SCLT1: variants seen among roughly 807,000 people sequenced by gnomAD.
SCLT1 encodes the protein sodium channel and clathrin linker 1.
In SCLT1, 78 loss-of-function variants were observed where a neutral mutation model predicts 112.8. That is an observed-to-expected ratio of 0.69 (90% CI 0.58 to 0.83). SCLT1 has a LOEUF of 0.83. SCLT1 is among the 40% of genes least tolerant of loss of function. The pLI is 0.00. For missense variants in SCLT1, 747 were observed against 770.4 expected (o/e 0.97, Z 0.36); for synonymous variants, 257 against 254.7 (o/e 1.01, Z -0.09).
intron 2 of SCLT1, among the ~76,000 whole-genome samples, chr4:129,050,965 CATTA>C (rs1186893258): frequency 2.6e-5 from 4 of 152,000 alleles, no homozygotes; most frequent in Non-Finnish European, 4.4e-5. Flanking sequence ...TTCCCAGCAC[CATTA>C]ATTAAATAGG....
chr4:129,007,327 TGA>T lies in SCLT1; in HGVS notation c.291-3453_291-3452del, dbSNP rs560645667. On this transcript the variant is annotated intron_variant, in intron 5 of 20. Coordinates refer to ENST00000281142, the MANE Select transcript of SCLT1 (RefSeq NM_144643.4). ...TTTTTCTGGTTGCTATTTTATTTACTGAGAGCAACCTGCTCATATTTCCTATT... is the reference window on the plus strand; with the variant it reads ...TTTTTCTGGTTGCTATTTTATTTACTGAGCAACCTGCTCATATTTCCTATT... 5.9e-5 allele frequency among the ~76,000 whole-genome samples: 9 copies of T among 152,312 alleles called. No individual in the cohort carries two copies. In the East Asian group the frequency reaches 1.7e-3, roughly 29 times the overall value.
At position 128,974,405 on chromosome 4, in the gene SCLT1, C is replaced by T. The variant is rs374519019; in HGVS notation, c.687-3937G>A. Among the ~76,000 whole-genome samples the T allele has an allele frequency of 6.7e-4, 102 of 151,402 alleles. 1 individual carries two copies. In the South Asian group the frequency reaches 0.021, roughly 31 times the overall value. ...AGATAGCCAGGCTAGGCTATGTGAT[C>T]AGTGTGCCAGAAAAAATGACCCTGA... On this transcript the variant is annotated intron_variant, in intron 9 of 20. Coordinates refer to ENST00000281142, the MANE Select transcript of SCLT1 (RefSeq NM_144643.4).
intron 2 of SCLT1, among the ~76,000 whole-genome samples, chr4:129,070,106 C>T (rs1304971817): frequency 6.6e-6 from 1 of 152,098 alleles, no homozygotes; most frequent in African/African-American, 2.4e-5. Flanking sequence ...GCTCTAAAAC[C>T]CACTTAATCA....
Position 129,093,060 on chromosome 4 carries a change from T to A in SCLT1, c.34+10A>T. ...TTGTATATGAAGTCTCAAAAAAACA[T>A]GGAGCTTACTTTGCTCTCTCAGAAA... On this transcript the variant is annotated intron_variant, in intron 1 of 20. Transcript: ENST00000281142. 1.2e-6 allele frequency: 2 copies of A among 1,604,202 alleles called. No individual in the cohort carries two copies. The highest frequency in any genetic ancestry group is 1.7e-6 in the Non-Finnish European group (2 of 1,170,938).
chr4:128,975,255 G>A (rs991277626), intron 9 of SCLT1, among the ~76,000 whole-genome samples: 13 of 151,748 alleles, frequency 8.6e-5, no homozygotes, highest in African/African-American at 2.7e-4. Flanking sequence ...TAGCCAGGAC[G>A]GTCTCGATCT....
intron 5 of SCLT1, among the ~76,000 whole-genome samples, chr4:129,009,767 G>A (rs560511960): frequency 1.3e-5 from 2 of 152,110 alleles, no homozygotes; most frequent in South Asian, 4.2e-4. Context: ...TCTTTTGAAA[G>A]GTGTTCAAGT....
intron 17 of SCLT1, among the ~76,000 whole-genome samples, chr4:128,940,770 A>T (rs1737624430): frequency 6.6e-6 from 1 of 151,828 alleles, no homozygotes; most frequent in African/African-American, 2.4e-5. Flanking sequence ...TGTATTTTCC[A>T]TAATTTTACT....
intron 1 of SCLT1, among the ~76,000 whole-genome samples, chr4:129,089,719 T>C (rs564339851): frequency 6.6e-6 from 1 of 152,158 alleles, no homozygotes; most frequent in Admixed American, 6.5e-5. Flanking sequence ...TGCTGGGACA[T>C]GGATGAAGCT....
At chr4:129,004,124 C>T (rs11722717) in intron 5 of SCLT1, among the ~76,000 whole-genome samples, 8,141 of 150,974 alleles carry the variant, frequency 0.054, 318 homozygotes, top group Admixed American at 0.097. Flanking sequence ...TCAGTTTGTC[C>T]TAGAGAGGTT....
intron 18 of SCLT1, among the ~76,000 whole-genome samples, chr4:128,903,267 A>G (rs1315271501): frequency 6.6e-6 from 1 of 152,154 alleles, no homozygotes; most frequent in Non-Finnish European, 1.5e-5. Context: ...TGAGTAATGC[A>G]TTGCACTAAG....
At chr4:128,936,920 T>A in intron 17 of SCLT1, 69 bp from the exon 18 acceptor site, 2 of 615,604 alleles carry the variant, frequency 3.2e-6, no homozygotes, top group South Asian at 7.6e-5. Context: ...CAATGATATA[T>A]ACAAAAGGAA....
chr4:128,997,045 T>C (rs1362492488), intron 8 of SCLT1, among the ~76,000 whole-genome samples: 1 of 151,980 alleles, frequency 6.6e-6, no homozygotes, highest in Non-Finnish European at 1.5e-5. Context: ...TGTTCTGGAG[T>C]ACTAGTATTT....
At chr4:129,073,267 C>T (rs962515398) in intron 2 of SCLT1, among the ~76,000 whole-genome samples, 1 of 152,112 alleles carries the variant, frequency 6.6e-6, no homozygotes, top group Non-Finnish European at 1.5e-5. Context: ...TGACTTATTC[C>T]TGTAGTCGTT....
chr4:128,892,277 G>GT (rs1400090353), intron 18 of SCLT1, among the ~76,000 whole-genome samples: 3 of 152,192 alleles, frequency 2.0e-5, no homozygotes, highest in Non-Finnish European at 4.4e-5. Context: ...AGATAAATTT[G>GT]TGAGTATTAC....
At chr4:128,959,232 G>A (rs1560893698) in intron 12 of SCLT1, among the ~76,000 whole-genome samples, 1 of 151,614 alleles carries the variant, frequency 6.6e-6, no homozygotes, top group Non-Finnish European at 1.5e-5. Context: ...AGTATATGAT[G>A]AAGGGGAATA....
intron 5 of SCLT1, among the ~76,000 whole-genome samples, chr4:129,017,198 G>A (rs1483367714): frequency 6.6e-6 from 1 of 151,726 alleles, no homozygotes; most frequent in East Asian, 1.9e-4. Context: ...TTTTTGTGGG[G>A]GGGGAATTTG....
chr4:129,035,154 T>C (rs1747071886), intron 5 of SCLT1, among the ~76,000 whole-genome samples: 2 of 152,150 alleles, frequency 1.3e-5, no homozygotes, highest in Non-Finnish European at 2.9e-5. Context: ...AGCTCAATAA[T>C]ATCACTTAAG....
chr4:128,961,850 T>C (rs183847358), intron 11 of SCLT1, among the ~76,000 whole-genome samples: 1 of 152,380 alleles, frequency 6.6e-6, no homozygotes, highest in East Asian at 1.9e-4. Context: ...GGCAGAGTTA[T>C]GGTTACACAT....
chr4:129,008,286 C>T (rs374569490), intron 5 of SCLT1, among the ~76,000 whole-genome samples: 6 of 152,258 alleles, frequency 3.9e-5, no homozygotes, highest in African/African-American at 7.2e-5. Context: ...AAGAACATTT[C>T]GCTGAGCACA....
Sources: gnomAD v4.1 joint callset for allele counts (sites outside exome capture counted in the v4.1 genomes callset) on GRCh38, gnomAD v4.1.1 for gene constraint, MANE v1.5 for transcripts, NCBI Gene and HGNC (gene_info 2026-07-23, HGNC 2026-07-21) for gene names.